Variants in CHLSN observed in about 807,000 individuals in gnomAD.
CHLSN encodes the protein protein cholesin.
chr7:1,106,536 G>A, the CHLSN span, among the ~76,000 whole-genome samples: 38 of 152,334 alleles, frequency 2.5e-4, no homozygotes, highest in South Asian at 7.7e-3. Flanking sequence ...TCTGCTGGCA[G>A]CATAGACGGA....
chr7:1,037,670 C>T, the CHLSN span, among the ~76,000 whole-genome samples: 15 of 127,772 alleles, frequency 1.2e-4, 2 homozygotes, highest in Non-Finnish European at 2.1e-4. Flanking sequence ...GCCGCCACCC[C>T]GTCTGGGAAG....
At chr7:1,134,926 C>T in the CHLSN span, among the ~76,000 whole-genome samples, 1 of 152,130 alleles carries the variant, frequency 6.6e-6, no homozygotes, top group Non-Finnish European at 1.5e-5. Context: ...CCTGCCCTGT[C>T]TCTGACTCCT....
the CHLSN span, chr7:1,025,228 G>A: frequency 6.6e-6 from 1 of 152,282 alleles, no homozygotes; most frequent in African/African-American, 2.4e-5. Context: ...GTCTGCTAAC[G>A]GCTTCATCAC....
chr7:1,028,425 C>A, the CHLSN span: 1 of 985,860 alleles, frequency 1.0e-6, no homozygotes, highest in Non-Finnish European at 1.2e-6. Flanking sequence ...TGGACCGTGA[C>A]GCCAGCGCGC....
the CHLSN span, chr7:988,899 C>T: frequency 5.6e-5 from 53 of 946,344 alleles, no homozygotes; most frequent in Non-Finnish European, 7.9e-5. Flanking sequence ...TCCTCCCACC[C>T]CACAGCTCGG....
chr7:1,114,383 C>T, the CHLSN span, among the ~76,000 whole-genome samples: 16 of 152,366 alleles, frequency 1.1e-4, no homozygotes, highest in East Asian at 2.5e-3. Flanking sequence ...GAGGCAAATG[C>T]GCCCCTGTCA....
At chr7:1,093,775 C>T in the CHLSN span, 3 of 433,824 alleles carry the variant, frequency 6.9e-6, no homozygotes, top group African/African-American at 2.0e-5. Context: ...AGGCTGGTGA[C>T]GTTCAGCCTT....
the CHLSN span, among the ~76,000 whole-genome samples, chr7:1,005,482 G>A: frequency 6.6e-5 from 10 of 152,242 alleles, no homozygotes; most frequent in Admixed American, 2.0e-4. Context: ...AGGCCCGAGC[G>A]GGGCTGGCGC....
the CHLSN span, chr7:985,040 T>A: frequency 5.1e-5 from 83 of 1,612,494 alleles, no homozygotes; most frequent in African/African-American, 1.0e-3. Context: ...CGGGAGCCGG[T>A]GGCTGACAAG....
the CHLSN span, among the ~76,000 whole-genome samples, chr7:1,019,557 A>C: frequency 6.6e-6 from 1 of 152,230 alleles, no homozygotes; most frequent in African/African-American, 2.4e-5. Flanking sequence ...TGAAGCCCTG[A>C]GTCCAAGAAG....
the CHLSN span, chr7:989,277 C>T: frequency 2.9e-5 from 5 of 173,496 alleles, no homozygotes; most frequent in South Asian, 1.8e-4. Context: ...ACTCCATTCC[C>T]GCTCCTGGAA....
the CHLSN span, chr7:1,075,900 C>T: frequency 6.6e-6 from 1 of 151,740 alleles, no homozygotes; most frequent in Non-Finnish European, 1.5e-5. Context: ...GCGCCCAGCC[C>T]GGGTCACATT....
the CHLSN span, among the ~76,000 whole-genome samples, chr7:1,015,455 A>G: frequency 1.3e-5 from 2 of 152,350 alleles, no homozygotes; most frequent in South Asian, 4.1e-4. Context: ...GTCAGCTGCC[A>G]GTGCCCACAG....
the CHLSN span, among the ~76,000 whole-genome samples, chr7:1,095,790 CA>C: frequency 6.6e-6 from 1 of 152,256 alleles, no homozygotes; most frequent in Non-Finnish European, 1.5e-5. Flanking sequence ...TCAAAGCCCA[CA>C]AGCTCTGTAG....
the CHLSN span, chr7:1,028,797 TC>T: frequency 6.5e-6 from 5 of 768,512 alleles, no homozygotes; most frequent in Non-Finnish European, 7.6e-6. Flanking sequence ...TCCCTATCGC[TC>T]CCCCAATCTG....
At chr7:1,084,868 C>A in the CHLSN span, among the ~76,000 whole-genome samples, 1 of 152,252 alleles carries the variant, frequency 6.6e-6, no homozygotes, top group African/African-American at 2.4e-5. Flanking sequence ...TCTGCTCCTG[C>A]AGAATCAGGG....
the CHLSN span, among the ~76,000 whole-genome samples, chr7:1,049,116 T>C: frequency 6.6e-6 from 1 of 152,198 alleles, no homozygotes; most frequent in African/African-American, 2.4e-5. Flanking sequence ...CACAGGTGCG[T>C]CCTGGGGGCT....
At chr7:983,129 G>C in the CHLSN span, 18 of 1,230,500 alleles carry the variant, frequency 1.5e-5, no homozygotes, top group Middle Eastern at 3.0e-4. Context: ...GTGGGGTGCG[G>C]GCACGCCCTC....
At chr7:1,019,889 G>A in the CHLSN span, among the ~76,000 whole-genome samples, 2 of 152,254 alleles carry the variant, frequency 1.3e-5, no homozygotes, top group Non-Finnish European at 2.9e-5. Flanking sequence ...TGGACCCAGA[G>A]GCCCGCAGGC....
Sources: allele counts gnomAD v4.1 joint callset (sites outside exome capture counted in the v4.1 genomes callset), GRCh38; gene constraint gnomAD v4.1.1; transcripts MANE v1.5; gene names NCBI Gene and HGNC (gene_info 2026-07-23, HGNC 2026-07-21).